The following LTBP2 variants were observed in gnomAD, a reference collection of about 807,000 sequenced individuals.
The protein encoded by LTBP2 is latent-transforming growth factor beta-binding protein 2.
Under a neutral mutation model 210.6 loss-of-function variants are expected in LTBP2, and 103 were observed. The observed-to-expected ratio is 0.49, with a 90% CI of 0.42 to 0.58. The LOEUF is 0.58. Ranked by LOEUF, LTBP2 falls within the 20% of genes least tolerant of loss-of-function variation. The pLI is 0.00. For synonymous variants in LTBP2, 1,007 were observed against 1,015.0 expected (o/e 0.99, Z 0.15); for missense variants, 2,313 against 2,494.5 (o/e 0.93, Z 1.55).
chr14:74,535,507 T>C lies in LTBP2; in HGVS notation c.1864+419A>G, dbSNP rs200598809. ...AGCCTGAGTAGCTAAAGGTTTTCAG[T>C]TGGGAAAAGCCCACAGAGGCCCCAA... is the stretch of plus-strand genomic sequence containing the variant. On this transcript the variant is annotated intron_variant, in intron 9 of 35. Transcript: ENST00000261978. 6.6e-5 allele frequency among the ~76,000 whole-genome samples: 10 copies of C among 152,242 alleles called. No individual in the cohort carries two copies. In the East Asian group the frequency reaches 1.9e-3, roughly 29 times the overall value.
At chr14:74,541,614 T>C (rs946053783) in intron 8 of LTBP2, among the ~76,000 whole-genome samples, 3 of 152,058 alleles carry the variant, frequency 2.0e-5, no homozygotes, top group South Asian at 2.1e-4. Context: ...CCCCACTGCC[T>C]CCAAATAAAT....
At chr14:74,537,465 A>C (rs2087436652) in intron 8 of LTBP2, among the ~76,000 whole-genome samples, 1 of 152,252 alleles carries the variant, frequency 6.6e-6, no homozygotes, top group African/African-American at 2.4e-5. Flanking sequence ...GATATTTCAA[A>C]GGTCTTGCTC....
At chr14:74,594,524 C>T (rs2088329393) in intron 2 of LTBP2, among the ~76,000 whole-genome samples, 1 of 152,214 alleles carries the variant, frequency 6.6e-6, no homozygotes, top group African/African-American at 2.4e-5. Context: ...CGATCCCCTC[C>T]TCAGGCCGGG....
intron 26 of LTBP2, 147 bp from the exon 27 acceptor site, chr14:74,506,970 C>G: frequency 6.5e-7 from 1 of 1,539,188 alleles, no homozygotes; most frequent in South Asian, 1.2e-5. Context: ...GCACCAAGAC[C>G]TGTGAAAAGC....
At chr14:74,599,633 G>A (rs1465958194) in intron 2 of LTBP2, among the ~76,000 whole-genome samples, 1 of 152,264 alleles carries the variant, frequency 6.6e-6, no homozygotes, top group African/African-American at 2.4e-5. Context: ...ACCAAGACTG[G>A]AGGAGGAGAT....
chr14:74,548,879 G>A (rs903033998), intron 8 of LTBP2, among the ~76,000 whole-genome samples: 2 of 152,226 alleles, frequency 1.3e-5, no homozygotes, highest in Non-Finnish European at 2.9e-5. Context: ...CGTAGTATGT[G>A]TTAGACATTT....
Position 74,612,182 on chromosome 14 carries a change from G to T in LTBP2, c.-238C>A. 1 of 497,442 alleles carries T rather than the reference G, an allele frequency of 2.0e-6. No individual in the cohort carries two copies. Among genetic ancestry groups the T allele is most frequent in the Non-Finnish European group, 3.5e-6 (1 of 286,738 alleles). 30.8% of individuals were successfully genotyped at this position (497,442 alleles called of 1,614,324 possible). On this transcript the variant is annotated 5_prime_UTR_variant, in exon 1 of 36. Coordinates refer to ENST00000261978, the MANE Select transcript of LTBP2 (RefSeq NM_000428.3). The stretch of plus-strand genomic sequence containing the variant: ...GCTCGCACGGCTGCTGCACCTTCGC[G>T]CCTCCTCCCTGTGCCTGCAGCCGTC...
At chr14:74,506,634 G>A in intron 27 of LTBP2, 64 bp downstream of exon 27, 2 of 1,602,624 alleles carry the variant, frequency 1.2e-6, no homozygotes, top group South Asian at 2.2e-5. Context: ...GACCAGTTGA[G>A]GAGGAGGACC....
At chr14:74,527,582 C>A (rs944691039) in intron 12 of LTBP2, among the ~76,000 whole-genome samples, 1 of 152,240 alleles carries the variant, frequency 6.6e-6, no homozygotes, top group Non-Finnish European at 1.5e-5. Context: ...TCTGGAGGGC[C>A]TGAAGATAGC....
chr14:74,529,126 CA>C lies in LTBP2; in HGVS notation c.1988-5del, dbSNP rs746272529. 3.2e-6 allele frequency: 5 copies of C among 1,551,398 alleles called. No homozygotes were observed. Among genetic ancestry groups the C allele is most frequent in the Non-Finnish European group, 4.4e-6 (5 of 1,147,166 alleles). On this transcript the variant is annotated splice_polypyrimidine_tract_variant and splice_region_variant and intron_variant, in intron 10 of 35. Transcript: ENST00000261978. ...AGCATGGAGATTGCCTTGTCCGCTG[CA>C]ACAGACACAGCACGTGGAGGTGGGC...
chr14:74,560,959 T>C (rs767705022), intron 3 of LTBP2, among the ~76,000 whole-genome samples: 24 of 152,268 alleles, frequency 1.6e-4, no homozygotes, highest in African/African-American at 2.2e-4. Flanking sequence ...CTGGAACAAA[T>C]TCCCTGTGGA....
intron 9 of LTBP2, among the ~76,000 whole-genome samples, chr14:74,534,397 A>G (rs2087392193): frequency 6.6e-6 from 1 of 152,190 alleles, no homozygotes; most frequent in African/African-American, 2.4e-5. Context: ...TCCAGACAGC[A>G]CAAACTGTTC....
chr14:74,594,154 T>C (rs1027042629), intron 2 of LTBP2, among the ~76,000 whole-genome samples: 2 of 152,134 alleles, frequency 1.3e-5, no homozygotes, highest in Admixed American at 6.5e-5. Flanking sequence ...CCAAGGGCCA[T>C]GGTGCTGGGT....
At chr14:74,588,744 C>G (rs1386473911) in intron 2 of LTBP2, among the ~76,000 whole-genome samples, 1 of 152,160 alleles carries the variant, frequency 6.6e-6, no homozygotes, top group Non-Finnish European at 1.5e-5. Context: ...TGAAGCCTCT[C>G]GACAATTCTA....
At position 74,536,013 on chromosome 14, in the gene LTBP2, G is replaced by A; in HGVS notation, c.1790-13C>T. ...ATCACCGGGGAGGCTGAAGAGTGGA[G>A]ATACGGACAGGTCTCACTGGACGGC... On this transcript the variant is annotated splice_polypyrimidine_tract_variant and intron_variant, in intron 8 of 35. Coordinates refer to ENST00000261978, the MANE Select transcript of LTBP2 (RefSeq NM_000428.3). 2 of 1,612,484 alleles carry A rather than the reference G, an allele frequency of 1.2e-6. No homozygotes were observed. The highest frequency in any genetic ancestry group is 2.2e-5 in the South Asian group (2 of 91,048).
At chr14:74,546,153 C>T (rs146363928) in intron 8 of LTBP2, among the ~76,000 whole-genome samples, 6 of 152,278 alleles carry the variant, frequency 3.9e-5, no homozygotes, top group African/African-American at 1.4e-4. Flanking sequence ...TGCTAGAACA[C>T]TTTACTGGGG....
chr14:74,553,016 A>C lies in LTBP2; in HGVS notation c.1068T>G (p.Thr356=), dbSNP rs764487079. 13 of 1,614,156 alleles carry C rather than the reference A, an allele frequency of 8.1e-6. No individual in the cohort carries two copies. The highest frequency in any genetic ancestry group is 1.0e-5 in the Non-Finnish European group (12 of 1,180,014). Residue 356 remains threonine (T), a synonymous_variant, in exon 5 of 36, where the codon ACT becomes ACG. Transcript: ENST00000261978. ...CACAGGTCTGCTTGCAGATGGTGGG[A>C]GTGAAGACGATCTTGATCTTCTTGA... ...EKIKKIKIVF[T]PTICKQTCAR...
rs553331678 is a variant in LTBP2, at chr14:74,557,957, T to G, written c.831-2264A>C. On this transcript the variant is annotated intron_variant, in intron 3 of 35. Transcript: ENST00000261978. ...GCCTCGGGGGCATCCCTTCCCCCAG[T>G]AGGTCCCATGCCAACCCTCCCCACT... Among the ~76,000 whole-genome samples, 49 of 152,272 alleles carry G rather than the reference T, an allele frequency of 3.2e-4. No homozygotes were observed. In the South Asian group the frequency reaches 3.7e-3, roughly 12 times the overall value.
At chr14:74,531,209 C>T (rs557939523) in intron 10 of LTBP2, among the ~76,000 whole-genome samples, 7 of 152,254 alleles carry the variant, frequency 4.6e-5, no homozygotes, top group East Asian at 1.9e-4. Flanking sequence ...AGAGAAACTT[C>T]GTGCCACCCC....
Sources: gnomAD v4.1 joint callset for allele counts (sites outside exome capture counted in the v4.1 genomes callset) on GRCh38, gnomAD v4.1.1 for gene constraint, MANE v1.5 for transcripts, NCBI Gene and HGNC (gene_info 2026-07-23, HGNC 2026-07-21) for gene names.